TAB2: variants seen among roughly 807,000 people sequenced by gnomAD.
TAB2 encodes the protein TGF-beta activated kinase 1 (MAP3K7) binding protein 2.
TAB2 carries 3 observed loss-of-function variants against 65.0 expected under a neutral mutation model. That is an observed-to-expected ratio of 0.05 (90% CI 0.02 to 0.12). The LOEUF (loss-of-function observed/expected upper bound fraction) is 0.12. Ranked by LOEUF, TAB2 falls within the 10% of genes least tolerant of loss-of-function variation. The probability of loss-of-function intolerance (pLI) is 1.00; values close to 1 mark genes in which losing one functional copy is unlikely to be tolerated. For missense variants in TAB2, 623 were observed against 840.3 expected (o/e 0.74, Z 3.20); for synonymous variants, 298 against 285.1 (o/e 1.05, Z -0.46).
chr6:149,312,090 A>G (rs992379004), intron 1 of TAB2, among the ~76,000 whole-genome samples: 6 of 152,220 alleles, frequency 3.9e-5, no homozygotes. Flanking sequence ...GCAAAGGGTA[A>G]CTGAGTAGGT....
intron 1 of TAB2, among the ~76,000 whole-genome samples, chr6:149,305,083 G>T (rs518836): frequency 0.46 from 70,556 of 151,882 alleles, 19,906 homozygotes; most frequent in African/African-American, 0.8. Flanking sequence ...TATTGTTATT[G>T]TTATTATATA....
chr6:149,401,465 A>T (rs374948576), intron 6 of TAB2, among the ~76,000 whole-genome samples: 3 of 152,246 alleles, frequency 2.0e-5, no homozygotes, highest in East Asian at 1.9e-4. Flanking sequence ...TGAGACAAAG[A>T]TTATTATGTA....
intron 1 of TAB2, among the ~76,000 whole-genome samples, chr6:149,262,313 A>G (rs557062300): frequency 6.6e-6 from 1 of 152,346 alleles, no homozygotes; most frequent in Non-Finnish European, 1.5e-5. Flanking sequence ...CGGGAGGATC[A>G]CTTGAGATCA....
intron 1 of TAB2, among the ~76,000 whole-genome samples, chr6:149,277,104 T>C (rs904536331): frequency 7.9e-5 from 12 of 152,250 alleles, no homozygotes; most frequent in African/African-American, 2.9e-4. Context: ...ACCGTGATTG[T>C]CAGGCCTCCC....
chr6:149,225,746 G>A (rs906754874), intron 1 of TAB2, among the ~76,000 whole-genome samples: 6 of 152,252 alleles, frequency 3.9e-5, no homozygotes, highest in Admixed American at 2.0e-4. Flanking sequence ...GTGAAAAGCA[G>A]CCATTCTTCC....
chr6:149,253,596 G>T (rs1037342625), intron 1 of TAB2, among the ~76,000 whole-genome samples: 8 of 135,366 alleles, frequency 5.9e-5, no homozygotes, highest in African/African-American at 1.6e-4. Context: ...CTCCAGCCTG[G>T]GTGACAGAGC....
chr6:149,398,956 T>C lies in TAB2; in HGVS notation c.1859-148T>C, dbSNP rs1782269761. ...AATATATTTGAAATATGTTTTGAAA[T>C]CTTACATATAATTCGAGGTTAGAGG... On this transcript the variant is annotated intron_variant, in intron 5 of 6. Transcript: ENST00000637181. 6 of 669,296 alleles carry C rather than the reference T, an allele frequency of 9.0e-6. No individual in the cohort carries two copies. In the South Asian group the frequency reaches 1.1e-4, roughly 12 times the overall value. 41.5% of individuals were successfully genotyped at this position (669,296 alleles called of 1,614,324 possible). A position where few individuals can be genotyped will look rare whatever the true frequency, so the allele number is the denominator to read the frequency against.
At position 149,397,688 on chromosome 6, in the gene TAB2, C is replaced by G; in HGVS notation, c.1688C>G (p.Ser563Cys). ...AAGAAAAAGCTGGATAAATTAAAAT[C>G]TGAGGTTAATGAAATGGAAAATAAT... The part of the protein sequence containing the change: ...IQKKKLDKLK[S>C]EVNEMENNLT... The change falls in exon 4 of 7, where the codon TCT (serine) becomes TGT (cysteine). Residue 563 changes from serine (S) to cysteine (C), a missense_variant. Physicochemically the swap from Ser to Cys is moderately radical, Grantham distance 112. Coordinates refer to ENST00000637181, the MANE Select transcript of TAB2 (RefSeq NM_001292034.3). The G allele has an allele frequency of 6.2e-7, 1 of 1,614,030 alleles. No homozygotes were observed. The highest frequency in any genetic ancestry group is 8.5e-7 in the Non-Finnish European group (1 of 1,179,972).
At chr6:149,393,148 G>A (rs556134839) in intron 3 of TAB2, among the ~76,000 whole-genome samples, 15 of 152,226 alleles carry the variant, frequency 9.9e-5, no homozygotes, top group African/African-American at 3.6e-4. Context: ...CACTTTCCTA[G>A]TATATTCATA....
At chr6:149,249,775 T>G (rs1251764250) in intron 1 of TAB2, among the ~76,000 whole-genome samples, 1 of 152,192 alleles carries the variant, frequency 6.6e-6, no homozygotes, top group African/African-American at 2.4e-5. Context: ...TTACTGACAG[T>G]CAGTAACTGC....
intron 1 of TAB2, among the ~76,000 whole-genome samples, chr6:149,224,143 C>T (rs561498474): frequency 2.6e-4 from 39 of 152,316 alleles, no homozygotes; most frequent in African/African-American, 9.4e-4. Context: ...AGTGCAGTAA[C>T]TACAGCTGAC....
At chr6:149,265,554 C>A (rs1377639588) in intron 1 of TAB2, among the ~76,000 whole-genome samples, 2 of 149,606 alleles carry the variant, frequency 1.3e-5, no homozygotes, top group South Asian at 4.2e-4. Flanking sequence ...GCTTCCTTGG[C>A]CCCCACCTCC....
chr6:149,408,216 A>G (rs933192138), intron 6 of TAB2, among the ~76,000 whole-genome samples: 1 of 152,184 alleles, frequency 6.6e-6, no homozygotes, highest in Non-Finnish European at 1.5e-5. Context: ...TGGTATTGTC[A>G]GACCCTTGAT....
intron 1 of TAB2, among the ~76,000 whole-genome samples, chr6:149,299,788 C>T (rs1468495645): frequency 6.6e-6 from 1 of 152,026 alleles, no homozygotes; most frequent in East Asian, 1.9e-4. Flanking sequence ...GCAGGAGAAT[C>T]ACTTGAGACT....
chr6:149,327,009 G>A (rs999514954), intron 1 of TAB2, among the ~76,000 whole-genome samples: 2 of 152,130 alleles, frequency 1.3e-5, no homozygotes, highest in Admixed American at 6.5e-5. Flanking sequence ...GTTTGCAAGA[G>A]TTTATCTTAT....
intron 1 of TAB2, among the ~76,000 whole-genome samples, chr6:149,319,547 T>G (rs1779367855): frequency 6.6e-6 from 1 of 152,224 alleles, no homozygotes; most frequent in Non-Finnish European, 1.5e-5. Context: ...TAAAAAAACA[T>G]GTATGGAACG....
At chr6:149,337,539 A>C (rs1779971297) in intron 1 of TAB2, among the ~76,000 whole-genome samples, 1 of 152,222 alleles carries the variant, frequency 6.6e-6, no homozygotes, top group Non-Finnish European at 1.5e-5. Flanking sequence ...GTTACAGAAT[A>C]GATGTGTTAA....
chr6:149,396,071 G>A (rs1782154655), intron 3 of TAB2, among the ~76,000 whole-genome samples: 1 of 152,112 alleles, frequency 6.6e-6, no homozygotes, highest in South Asian at 2.1e-4. Context: ...AGGCTGGAGT[G>A]CAGTGGTGTG....
intron 1 of TAB2, among the ~76,000 whole-genome samples, chr6:149,248,118 A>G (rs1443930923): frequency 1.3e-5 from 2 of 152,302 alleles, no homozygotes; most frequent in East Asian, 1.9e-4. Flanking sequence ...AAGGTCAGGC[A>G]TGGTGGCACA....
Sources: gnomAD v4.1 joint callset for allele counts (sites outside exome capture counted in the v4.1 genomes callset) on GRCh38, gnomAD v4.1.1 for gene constraint, MANE v1.5 for transcripts, NCBI Gene and HGNC (gene_info 2026-07-23, HGNC 2026-07-21) for gene names.